The following ITPR1 variants were observed in gnomAD, a reference collection of about 807,000 sequenced individuals.
The protein encoded by ITPR1 is inositol 1,4,5-trisphosphate-gated calcium channel ITPR1.
A neutral mutation model predicts 318.4 loss-of-function variants in ITPR1; 96 were observed. The ratio of observed to expected loss-of-function variants is 0.30; its 90% confidence interval spans 0.26 to 0.36. ITPR1 has a LOEUF of 0.36. Ranked by LOEUF, ITPR1 falls within the 10% of genes least tolerant of loss-of-function variation. ITPR1 has a pLI of 1.00. For synonymous variants in ITPR1, 1,312 were observed against 1,289.9 expected (o/e 1.02, Z -0.37); for missense variants, 2,440 against 3,460.2 (o/e 0.71, Z 7.40).
intron 4 of ITPR1, among the ~76,000 whole-genome samples, chr3:4,609,051 AATATATATATATAT>A (rs754002503): frequency 0.14 from 6,325 of 46,552 alleles, 955 homozygotes; most frequent in African/African-American, 0.31. Flanking sequence ...ACAACAACGA[AATATATATATATAT>A]ATATATATAT....
chr3:4,775,633 C>T (rs1199991233), intron 47 of ITPR1, among the ~76,000 whole-genome samples, 191 bp downstream of exon 47: 1 of 152,156 alleles, frequency 6.6e-6, no homozygotes, highest in East Asian at 1.9e-4. Context: ...TAATGAAGGA[C>T]ATTGGAGGGA....
Position 4,792,402 on chromosome 3 carries a change from G to A in ITPR1, c.6809-2663G>A, listed in dbSNP as rs1014662068. 5.3e-5 allele frequency among the ~76,000 whole-genome samples: 8 copies of A among 152,282 alleles called. No homozygotes were observed. The South Asian group carries it at 6.2e-4, about 12-fold the overall frequency. ...GTATAACAAATTGCCCCAACATGTC[G>A]TGACTTAAAACAATAAATGTTTATT... On this transcript the variant is annotated intron_variant, in intron 52 of 61. Transcript: ENST00000649015.
At chr3:4,499,152 T>C (rs974796191) in intron 2 of ITPR1, among the ~76,000 whole-genome samples, 2 of 152,176 alleles carry the variant, frequency 1.3e-5, no homozygotes, top group African/African-American at 4.8e-5. Context: ...CCCATCTCTG[T>C]TAAAAAAATT....
In ITPR1 at chr3:4,814,479, C is replaced by G; in HGVS notation, c.7618C>G (p.Leu2540Val). The change falls in exon 58 of 62, where the codon CTG becomes GTG. Residue 2540 changes from leucine to valine, a missense_variant. Around this residue, in one of 23 missense-constraint regions of ITPR1, gnomAD observed 88 missense variants for 90.5 expected, o/e 0.97. Coordinates refer to ENST00000649015, the MANE Select transcript of ITPR1 (RefSeq NM_001378452.1). ...TAAAGAGCACACATGTGAGACGCTG[C>G]TGATGTGCATTGTCACTGTGCTGAG... ...QDKEHTCETL[L>V]MCIVTVLSHG... The G allele has an allele frequency of 6.2e-7, 1 of 1,613,618 alleles. No homozygotes were observed. Among genetic ancestry groups the G allele is most frequent in the Non-Finnish European group, 8.5e-7 (1 of 1,179,738 alleles).
chr3:4,623,156 A>G (rs532228830), intron 4 of ITPR1, among the ~76,000 whole-genome samples: 1 of 152,272 alleles, frequency 6.6e-6, no homozygotes, highest in South Asian at 2.1e-4. Context: ...AGTGTGCACC[A>G]CAAGTCCTGA....
At chr3:4,758,131 G>T (rs1396513472) in intron 44 of ITPR1, among the ~76,000 whole-genome samples, 10 of 152,206 alleles carry the variant, frequency 6.6e-5, no homozygotes, top group Non-Finnish European at 1.5e-4. Flanking sequence ...CAGCAGGTAA[G>T]TGAGCAGCCG....
intron 4 of ITPR1, among the ~76,000 whole-genome samples, chr3:4,613,930 C>T (rs886996301): frequency 1.3e-5 from 2 of 152,196 alleles, no homozygotes; most frequent in African/African-American, 4.8e-5. Context: ...TTTCCAGTCC[C>T]CAAGAAGGTG....
At chr3:4,536,050 A>T (rs2083841144) in intron 4 of ITPR1, among the ~76,000 whole-genome samples, 1 of 152,198 alleles carries the variant, frequency 6.6e-6, no homozygotes, top group East Asian at 1.9e-4. Flanking sequence ...TTCTGGAATG[A>T]AGTGGCTTCC....
At chr3:4,835,440 A>G (rs1395724026) in intron 60 of ITPR1, among the ~76,000 whole-genome samples, 2 of 152,190 alleles carry the variant, frequency 1.3e-5, no homozygotes, top group East Asian at 3.8e-4. Flanking sequence ...TTTGGGGGGT[A>G]TAACGGAGTA....
At chr3:4,581,878 CT>C (rs1300233180) in intron 4 of ITPR1, among the ~76,000 whole-genome samples, 2 of 151,410 alleles carry the variant, frequency 1.3e-5, no homozygotes, top group Non-Finnish European at 2.9e-5. Context: ...AGGCTTTTTT[CT>C]TTTTTATTGC....
chr3:4,685,010 C>A (rs756248978), intron 29 of ITPR1, 59 bp from the exon 30 acceptor site: 2 of 1,560,396 alleles, frequency 1.3e-6, no homozygotes, highest in Non-Finnish European at 1.7e-6. Flanking sequence ...CCACCCTCTG[C>A]AATCTTTTTC....
intron 61 of ITPR1, among the ~76,000 whole-genome samples, chr3:4,841,070 A>G (rs938842286): frequency 2.6e-5 from 4 of 152,230 alleles, no homozygotes; most frequent in African/African-American, 9.6e-5. Flanking sequence ...ATAACTGCCC[A>G]AAGTTGGAAA....
intron 60 of ITPR1, among the ~76,000 whole-genome samples, chr3:4,823,923 C>T (rs986156943): frequency 1.2e-4 from 18 of 152,112 alleles, no homozygotes; most frequent in African/African-American, 3.9e-4. Flanking sequence ...TTATAGATTT[C>T]ACTTCTATAT....
At chr3:4,532,049 A>T (rs1333966977) in intron 4 of ITPR1, among the ~76,000 whole-genome samples, 4 of 152,210 alleles carry the variant, frequency 2.6e-5, no homozygotes, top group Non-Finnish European at 5.9e-5. Context: ...CACTTACGGG[A>T]CTACCTGGTC....
intron 34 of ITPR1, 128 bp downstream of exon 34, chr3:4,697,400 C>T: frequency 4.8e-6 from 4 of 829,660 alleles, no homozygotes; most frequent in South Asian, 2.5e-5. Context: ...CATTTCTACT[C>T]TAATCCGTGG....
chr3:4,589,205 A>T (rs561149257), intron 4 of ITPR1, among the ~76,000 whole-genome samples: 1 of 152,124 alleles, frequency 6.6e-6, no homozygotes, highest in East Asian at 1.9e-4. Flanking sequence ...TAAAACTGCA[A>T]CCTAGGAGAC....
intron 4 of ITPR1, among the ~76,000 whole-genome samples, chr3:4,621,796 G>C (rs376627072): frequency 1.2e-4 from 18 of 152,334 alleles, no homozygotes; most frequent in African/African-American, 4.3e-4. Flanking sequence ...TGCACGTGCT[G>C]TTCCCTCTGC....
intron 55 of ITPR1, among the ~76,000 whole-genome samples, chr3:4,809,089 G>A (rs2048772715): frequency 6.6e-6 from 1 of 152,214 alleles, no homozygotes; most frequent in Non-Finnish European, 1.5e-5. Context: ...TGTGACATTA[G>A]TAAAGGTTAA....
chr3:4,749,494 A>T (rs758567603), intron 44 of ITPR1: 1 of 152,190 alleles, frequency 6.6e-6, no homozygotes, highest in Non-Finnish European at 1.5e-5. Flanking sequence ...TTGAATGCTT[A>T]AGTGGGGCCT....
Sources: allele counts gnomAD v4.1 joint callset (sites outside exome capture counted in the v4.1 genomes callset), GRCh38; gene constraint gnomAD v4.1.1; regional missense constraint gnomAD v4.1.1; transcripts MANE v1.5; gene names NCBI Gene and HGNC (gene_info 2026-07-23, HGNC 2026-07-21).